TTN: variants seen among roughly 807,000 people sequenced by gnomAD.
TTN encodes the protein titin.
TTN carries 1,525 observed loss-of-function variants against 3,223.0 expected under a neutral mutation model. The ratio of observed to expected loss-of-function variants is 0.47; its 90% CI spans 0.45 to 0.49. The LOEUF (loss-of-function observed/expected upper bound fraction) is 0.49, where lower values mean the gene tolerates loss of function less well. Ranked by LOEUF, TTN falls within the 20% of genes least tolerant of loss-of-function variation. TTN has a pLI of 0.00. For missense variants in TTN, 40,786 were observed against 43,424.0 expected (o/e 0.94, Z 5.40); for synonymous variants, 14,094 against 15,161.0 (o/e 0.93, Z 5.17).
intron 62 of TTN, 72 bp downstream of exon 62, chr2:178,730,021 T>TCCG: frequency 3.9e-6 from 6 of 1,558,072 alleles, no homozygotes; most frequent in African/African-American, 2.7e-5. Flanking sequence ...GTCTTAAGCG[T>TCCG]CCCCCGCCCC....
In TTN at chr2:178,764,699, C is replaced by G. The variant is rs1296156744; in HGVS notation, c.9816G>C (p.Trp3272Cys). The G allele has an allele frequency of 6.2e-7, 1 of 1,613,924 alleles. No homozygotes were observed. Among genetic ancestry groups the G allele is most frequent in the Admixed American group, 1.7e-5 (1 of 59,976 alleles). The change falls in exon 42 of 363, where the codon TGG becomes TGC. Residue 3272 changes from tryptophan (W) to cysteine (C), a missense_variant. Physicochemically the swap from Trp to Cys is radical, Grantham distance 215. Transcript: ENST00000589042. ...TGGAAAGCAGCTGCTCTTCCTTGTA[C>G]CAGGAAATTTTGGGCTGTGGTCTTC... Reference protein sequence around the residue: ...ISGRPQPKISWYKEEQLLSTG... With the variant: ...ISGRPQPKISCYKEEQLLSTG...
rs1214319496 is a variant in TTN at position 178,567,191 on chromosome 2, T to C, written c.78941A>G (p.Asp26314Gly). 2 of 1,612,974 alleles carry C rather than the reference T, an allele frequency of 1.2e-6. No homozygotes were observed. Among genetic ancestry groups the C allele is most frequent in the Non-Finnish European group, 1.7e-6 (2 of 1,179,346 alleles). The change falls in exon 326 of 363, where the codon GAT becomes GGT. Residue 26314 changes from aspartate (D) to glycine (G), a missense_variant. Coordinates refer to ENST00000589042, the MANE Select transcript of TTN (RefSeq NM_001267550.2). ...CSLTWSPPLQ[D>G]GGSDISHYVV... ...ATAGTGAGAAATGTCACTGCCACCA[T>C]CTTGAAGTGGTGGAGACCATGTTAA...
chr2:178,579,949 G>A lies in TTN; in HGVS notation c.67338C>T (p.Val22446=), dbSNP rs1246667885. ...IGDPGETRDA[V]KASQTPGPVV... ...GGTTCATTTGCTTACGGGAAGCTTTGACAGCATCACGAGTTTCACCGGGAT... is the reference window on the plus strand; with the variant it reads ...GGTTCATTTGCTTACGGGAAGCTTTAACAGCATCACGAGTTTCACCGGGAT... The change falls in exon 318 of 363, where the codon GTC becomes GTT. Residue 22446 remains valine (V), a synonymous_variant. Coordinates refer to ENST00000589042, the MANE Select transcript of TTN (RefSeq NM_001267550.2). The A allele has an allele frequency of 1.2e-6, 2 of 1,612,952 alleles. No individual in the cohort carries two copies. The highest frequency in any genetic ancestry group is 1.7e-6 in the Non-Finnish European group (2 of 1,179,470).
chr2:178,550,441 G>A, intron 336 of TTN, 168 bp from the exon 337 acceptor site: 1 of 589,988 alleles, frequency 1.7e-6, no homozygotes, highest in East Asian at 2.9e-5. Flanking sequence ...TTTGGACTAT[G>A]GGGTTAAATA....
In TTN at chr2:178,538,932, T is replaced by C; in HGVS notation, c.98989+14A>G. ...TTGCTTCTTTAATTTAACCCCTTCT[T>C]CTGAATTCCTTACCAAATGGATCTT... On this transcript the variant is annotated intron_variant, in intron 353 of 362. Coordinates refer to ENST00000589042, the MANE Select transcript of TTN (RefSeq NM_001267550.2). The C allele has an allele frequency of 1.3e-6, 2 of 1,598,100 alleles. No individual in the cohort carries two copies. The highest frequency in any genetic ancestry group is 1.7e-6 in the Non-Finnish European group (2 of 1,169,800).
At position 178,615,649 on chromosome 2, in the gene TTN, G is replaced by T. The variant is rs1188604829; in HGVS notation, c.48452C>A (p.Thr16151Asn). ...ATCAAGAATGTACTCACTTGCAGGAGTTGACATATTTACAGGTTCATCAAC... is the reference window on the plus strand; with the variant it reads ...ATCAAGAATGTACTCACTTGCAGGATTTGACATATTTACAGGTTCATCAAC... ...AYVDEPVNMS[T>N]PATVPDPPEN... The change falls in exon 258 of 363, where the codon ACT (threonine) becomes AAT (asparagine). Residue 16151 changes from threonine (T) to asparagine (N), a missense_variant. Thr to Asn is a moderately conservative substitution (Grantham distance 65). Transcript: ENST00000589042. The T allele has an allele frequency of 6.2e-7, 1 of 1,612,258 alleles. No homozygotes were observed. The highest frequency in any genetic ancestry group is 8.5e-7 in the Non-Finnish European group (1 of 1,178,928).
intron 163 of TTN, 41 bp downstream of exon 163, chr2:178,666,783 C>A (rs1396150951): frequency 6.7e-7 from 1 of 1,495,132 alleles, no homozygotes; most frequent in Non-Finnish European, 9.0e-7. Flanking sequence ...AGTACAACTG[C>A]AAACATGAGA....
chr2:178,806,980 T>C (rs2094344803), intron 1 of TTN, among the ~76,000 whole-genome samples: 1 of 152,222 alleles, frequency 6.6e-6, no homozygotes, highest in African/African-American at 2.4e-5. Context: ...CTTAAACAAT[T>C]TGAATCATGG....
At chr2:178,763,466 A>G (rs943544685) in intron 43 of TTN, among the ~76,000 whole-genome samples, 1 of 152,204 alleles carries the variant, frequency 6.6e-6, no homozygotes, top group African/African-American at 2.4e-5. Context: ...ACTATGTATC[A>G]GGTGATATTC....
In TTN at chr2:178,548,378, C is replaced by T; in HGVS notation, c.93248G>A (p.Gly31083Asp). The T allele has an allele frequency of 6.2e-7, 1 of 1,613,878 alleles. No individual in the cohort carries two copies. Among genetic ancestry groups the T allele is most frequent in the African/African-American group, 1.3e-5 (1 of 75,046 alleles). The part of the protein sequence containing the change: ...QIFKVNDLAE[G>D]VPYYFRVSAV... ...AGAAACACGGAAATAGTACGGAACA[C>T]CTTCGGCCAGGTCATTGACCTTGAA... The change falls in exon 339 of 363, where the codon GGT (glycine) becomes GAT (aspartate). Residue 31083 changes from glycine (G) to aspartate (D), a missense_variant. By Grantham distance (94) the Gly-to-Asp change is moderately conservative. Transcript: ENST00000589042. This position sits in a 1 kb window ranked among gnomAD's most constrained non-coding sequence, Gnocchi z 4.3.
Position 178,779,441 on chromosome 2 carries a change from C to CT in TTN, c.3750_3751insA (p.Glu1251ArgfsTer6). The CT allele has an allele frequency of 6.4e-7, 1 of 1,552,718 alleles. No individual in the cohort carries two copies. Among genetic ancestry groups the CT allele is most frequent in the Non-Finnish European group, 8.9e-7 (1 of 1,128,014 alleles). ...TCAATTTCTTTAATAAGTCTCTCTT[C>CT]AAAGGAAGAAATATGGAATTCCTAT... On this transcript the variant is annotated frameshift_variant, in exon 23 of 363. Transcript: ENST00000589042. LOFTEE classifies it high-confidence loss of function.
chr2:178,684,158 C>T, intron 132 of TTN, 76 bp from the exon 133 acceptor site: 1 of 1,495,510 alleles, frequency 6.7e-7, no homozygotes, highest in South Asian at 1.2e-5. Flanking sequence ...AAGTAGTAGC[C>T]CAAACATAAA....
Position 178,588,734 on chromosome 2 carries a change from T to A in TTN, c.62991A>T (p.Gly20997=). The A allele has an allele frequency of 6.2e-7, 1 of 1,613,232 alleles. No homozygotes were observed. Among genetic ancestry groups the A allele is most frequent in the African/African-American group, 1.3e-5 (1 of 74,990 alleles). The change falls in exon 304 of 363, where the codon GGA becomes GGT. Residue 20997 remains glycine (G), a synonymous_variant. Coordinates refer to ENST00000589042, the MANE Select transcript of TTN (RefSeq NM_001267550.2). The part of the protein sequence containing the change: ...PEYDGGKSIT[G]YFLEKKEKHS... ...GCTTTTCCTTTTTCTCCAAAAAGTA[T>A]CCAGTTATAGACTTTCCACCATCAT...
chr2:178,547,902 G>A lies in TTN; in HGVS notation c.93724C>T (p.Arg31242Cys), dbSNP rs563887822. Residue 31242 changes from arginine (R) to cysteine (C), a missense_variant, in exon 339 of 363, where the codon CGT (arginine) becomes TGT (cysteine). By Grantham distance (180) the Arg-to-Cys change is radical (BLOSUM62 -3). Transcript: ENST00000589042. ...TTCCATGTTACTTTGGGGGCAGGAC[G>A]ACCACTGATTGGTACGTCAATGGTA... The part of the protein sequence containing the change: ...PFTIDVPISG[R>C]PAPKVTWKLE... The A allele has an allele frequency of 4.3e-5, 69 of 1,613,810 alleles. No individual in the cohort carries two copies. Among genetic ancestry groups the A allele is most frequent in the Non-Finnish European group, 5.0e-5 (59 of 1,179,832 alleles).
chr2:178,530,382 T>A lies in TTN; in HGVS notation c.106233A>T (p.Lys35411Asn), dbSNP rs1157720013. The A allele has an allele frequency of 1.2e-6, 2 of 1,613,970 alleles. No individual in the cohort carries two copies. The highest frequency in any genetic ancestry group is 1.7e-6 in the Non-Finnish European group (2 of 1,179,880). The change falls in exon 358 of 363, where the codon AAA becomes AAT. Residue 35411 changes from lysine to asparagine, a missense_variant. Physicochemically the swap from Lys to Asn is moderately conservative, Grantham distance 94. Coordinates refer to ENST00000589042, the MANE Select transcript of TTN (RefSeq NM_001267550.2). ...GTTTTGAGGAAATTGGTTCAGGAGC[T>A]TTTGGTTCAGTTTTTCTGGTTACTG... is the stretch of plus-strand genomic sequence containing the variant. ...ESTVTRKTEP[K>N]APEPISSKPV...
rs1473661074 is a variant in TTN, at chr2:178,556,981, A to T, written c.88173T>A (p.Thr29391=). 3.7e-6 allele frequency: 6 copies of T among 1,613,850 alleles called. No individual in the cohort carries two copies. Among genetic ancestry groups the T allele is most frequent in the Non-Finnish European group, 5.1e-6 (6 of 1,179,830 alleles). Residue 29391 remains threonine, a synonymous_variant, in exon 330 of 363, where the codon ACT becomes ACA. Coordinates refer to ENST00000589042, the MANE Select transcript of TTN (RefSeq NM_001267550.2). ...RWTKASFTNV[T]ETQFIISGLT... The stretch of plus-strand genomic sequence containing the variant: ...AGCCAGAGATGATGAATTGAGTTTC[A>T]GTAACATTGGTGAAGCTGGCCTTGG...
chr2:178,645,976 G>A lies in TTN; in HGVS notation c.40352C>T (p.Pro13451Leu). 2 of 1,585,366 alleles carry A rather than the reference G, an allele frequency of 1.3e-6. No homozygotes were observed. The highest frequency in any genetic ancestry group is 1.2e-5 in the South Asian group (1 of 84,106). The part of the protein sequence containing the change: ...EKPKLKPRPP[P>L]PPPAPPKEDV... ...TTCCTTAGGTGGAGCAGGTGGAGGAGGTGGGGGTCTTGGTTTGAGTTTTGG... is the reference window on the plus strand; with the variant it reads ...TTCCTTAGGTGGAGCAGGTGGAGGAAGTGGGGGTCTTGGTTTGAGTTTTGG... The change falls in exon 217 of 363, where the codon CCT (proline) becomes CTT (leucine). Residue 13451 changes from proline to leucine, a missense_variant. Transcript: ENST00000589042.
intron 166 of TTN, 35 bp from the exon 167 acceptor site, chr2:178,664,772 T>G: frequency 6.2e-7 from 1 of 1,610,892 alleles, no homozygotes; most frequent in Non-Finnish European, 8.5e-7. Context: ...TTTAGTGTTA[T>G]GCAGATAACT....
chr2:178,671,386 A>G (rs183314138), intron 155 of TTN, among the ~76,000 whole-genome samples: 21 of 151,816 alleles, frequency 1.4e-4, no homozygotes, highest in African/African-American at 4.3e-4. Context: ...ATTCCTTCAT[A>G]TTACACATAT....
Sources: gnomAD v4.1 joint callset for allele counts (sites outside exome capture counted in the v4.1 genomes callset) on GRCh38, gnomAD v4.1.1 for gene constraint, Gnocchi (gnomAD v3.1) non-coding constraint, MANE v1.5 for transcripts, NCBI Gene and HGNC (gene_info 2026-07-23, HGNC 2026-07-21) for gene names.